PRKG1: variants seen among roughly 807,000 people sequenced by gnomAD.
The protein encoded by PRKG1 is protein kinase cGMP-dependent 1.
In PRKG1, 35 loss-of-function variants were observed where a neutral mutation model predicts 88.1. The ratio of observed to expected loss-of-function variants is 0.40; its 90% confidence interval spans 0.30 to 0.53. PRKG1 has a LOEUF of 0.53. PRKG1 is among the 20% of genes least tolerant of loss of function. PRKG1 has a pLI of 0.59. For missense variants in PRKG1, 540 were observed against 839.8 expected, an observed-to-expected ratio of 0.64 and a Z score of 4.41; for synonymous variants, 303 against 292.5, an observed-to-expected ratio of 1.04 and a Z score of -0.37.
chr10:51,947,530 A>T (rs1452488406), intron 5 of PRKG1, among the ~76,000 whole-genome samples: 1 of 152,118 alleles, frequency 6.6e-6, no homozygotes, highest in Non-Finnish European at 1.5e-5. Flanking sequence ...TCAGATGGAA[A>T]TGCAGAAATC....
intron 3 of PRKG1, among the ~76,000 whole-genome samples, chr10:51,516,584 G>T (rs949261544): frequency 6.6e-6 from 1 of 152,088 alleles, no homozygotes; most frequent in East Asian, 1.9e-4. Flanking sequence ...GCCTCCTGTC[G>T]CTATCACAGT....
chr10:52,003,392 A>C (rs191059377), intron 5 of PRKG1, among the ~76,000 whole-genome samples: 1 of 152,294 alleles, frequency 6.6e-6, no homozygotes, highest in African/African-American at 2.4e-5. Context: ...TTGCAAATCC[A>C]GGTGTTCAAT....
rs561019591 is a variant in PRKG1 at position 51,245,063 on chromosome 10, C to A, written c.478+91733C>A. On this transcript the variant is annotated intron_variant, in intron 2 of 17. Coordinates refer to ENST00000373980, the MANE Select transcript of PRKG1 (RefSeq NM_006258.4). Reference sequence around the variant, plus strand: ...CACAGACCTTCGCTTTTCCTCTTCTCCCTAGCTTCCCTTTGCTTAGCAACA... The same window carrying A: ...CACAGACCTTCGCTTTTCCTCTTCTACCTAGCTTCCCTTTGCTTAGCAACA... 7 of 152,202 alleles carry A rather than the reference C, an allele frequency of 4.6e-5. No homozygotes were observed. In the East Asian group the frequency reaches 1.2e-3, roughly 25 times the overall value. The allele number at this position is 152,202 out of a possible 1,614,324, so 9.4% of individuals were successfully genotyped here. A position where few individuals can be genotyped will look rare whatever the true frequency, so the allele number is the denominator to read the frequency against.
At chr10:51,634,019 T>C (rs1337152089) in intron 3 of PRKG1, among the ~76,000 whole-genome samples, 1 of 152,148 alleles carries the variant, frequency 6.6e-6, no homozygotes, top group East Asian at 1.9e-4. Context: ...GTTTTGGTCA[T>C]TAATTTATAA....
chr10:51,284,896 C>CT (rs537910719), intron 2 of PRKG1, among the ~76,000 whole-genome samples: 4,317 of 47,820 alleles, frequency 0.09, 254 homozygotes, highest in African/African-American at 0.22. Flanking sequence ...TTAAGCTATT[C>CT]TTTTTTTTTT....
At chr10:51,497,125 A>G (rs752917250) in intron 3 of PRKG1, among the ~76,000 whole-genome samples, 2 of 152,206 alleles carry the variant, frequency 1.3e-5, no homozygotes, top group Non-Finnish European at 2.9e-5. Flanking sequence ...TGTGATAACT[A>G]CATTAAGTCA....
upstream of PRKG1, among the ~76,000 whole-genome samples, chr10:51,072,495 G>T (rs1486115529): frequency 6.6e-6 from 1 of 152,102 alleles, no homozygotes; most frequent in Non-Finnish European, 1.5e-5. Flanking sequence ...CAAAGTCACA[G>T]TACTTCTGCT....
At chr10:51,446,414 C>A (rs190604036) in intron 2 of PRKG1, among the ~76,000 whole-genome samples, 109 of 152,066 alleles carry the variant, frequency 7.2e-4, no homozygotes, top group Admixed American at 1.4e-3. Context: ...TCTTCTTCAA[C>A]CTTTACTTCC....
At chr10:51,137,034 G>A (rs1296666631) in intron 1 of PRKG1, among the ~76,000 whole-genome samples, 2 of 151,948 alleles carry the variant, frequency 1.3e-5, no homozygotes, top group African/African-American at 2.4e-5. Flanking sequence ...ACAGGCGCCC[G>A]CCACCATGCC....
chr10:51,844,091 G>GTTTTTT (rs1323030003), intron 4 of PRKG1, among the ~76,000 whole-genome samples: 3 of 151,986 alleles, frequency 2.0e-5, no homozygotes, highest in Non-Finnish European at 4.4e-5. Context: ...GTTGTCTAGT[G>GTTTTTT]TTTTTTATTT....
intron 8 of PRKG1, among the ~76,000 whole-genome samples, chr10:52,144,553 G>A (rs1217036767): frequency 1.3e-5 from 2 of 152,198 alleles, no homozygotes; most frequent in African/African-American, 4.8e-5. Context: ...GCTCATGCCT[G>A]TAATCCCAGC....
intron 3 of PRKG1, among the ~76,000 whole-genome samples, chr10:51,708,708 G>C (rs1841669721): frequency 6.6e-6 from 1 of 152,246 alleles, no homozygotes; most frequent in African/African-American, 2.4e-5. Context: ...ATTGTTAAGA[G>C]GTTGGAGCCA....
At chr10:51,761,169 G>A (rs915654442) in intron 3 of PRKG1, among the ~76,000 whole-genome samples, 2 of 152,170 alleles carry the variant, frequency 1.3e-5, no homozygotes, top group African/African-American at 4.8e-5. Flanking sequence ...TTATCTCTTT[G>A]TTAAAGTATT....
intron 2 of PRKG1, among the ~76,000 whole-genome samples, chr10:51,396,386 A>AT (rs1360891945): frequency 4.6e-5 from 7 of 151,888 alleles, no homozygotes; most frequent in African/African-American, 1.7e-4. Context: ...AGAGTAAAAA[A>AT]CTGTCACTGA....
intron 2 of PRKG1, among the ~76,000 whole-genome samples, chr10:51,464,298 T>G (rs576325960): frequency 1.3e-4 from 19 of 151,874 alleles, no homozygotes; most frequent in Admixed American, 2.0e-4. Context: ...AAAAAAGCAG[T>G]GCTTTTTGGA....
At chr10:52,180,771 G>A (rs1174674922) in intron 9 of PRKG1, among the ~76,000 whole-genome samples, 3 of 152,132 alleles carry the variant, frequency 2.0e-5, no homozygotes, top group South Asian at 2.1e-4. Flanking sequence ...ACATGCGCAC[G>A]GTGAGTTGGC....
chr10:51,126,528 T>C (rs868658805), intron 1 of PRKG1, among the ~76,000 whole-genome samples: 24 of 146,778 alleles, frequency 1.6e-4, no homozygotes, highest in African/African-American at 4.7e-4. Context: ...ATGAATCATA[T>C]AAATTTATTA....
intron 9 of PRKG1, among the ~76,000 whole-genome samples, chr10:52,211,699 T>TAA (rs57320498): frequency 0.16 from 19,354 of 119,624 alleles, 1,757 homozygotes; most frequent in African/African-American, 0.28. Context: ...CCTATCCTGG[T>TAA]AAAAAAAAAA....
intron 2 of PRKG1, among the ~76,000 whole-genome samples, chr10:51,380,253 A>C (rs1218332665): frequency 6.6e-6 from 1 of 152,184 alleles, no homozygotes; most frequent in Non-Finnish European, 1.5e-5. Flanking sequence ...AGTTTGCAAA[A>C]GAAAATTGCT....
Sources: gnomAD v4.1 joint callset for allele counts (sites outside exome capture counted in the v4.1 genomes callset) on GRCh38, gnomAD v4.1.1 for gene constraint, MANE v1.5 for transcripts, NCBI Gene and HGNC (gene_info 2026-07-23, HGNC 2026-07-21) for gene names.